The following ZNF770 variants were observed in gnomAD, a reference collection of about 807,000 sequenced individuals.
The protein encoded by ZNF770 is zinc finger protein 770.
In ZNF770, 13 loss-of-function variants were observed where a neutral mutation model predicts 44.8. That is an observed-to-expected ratio of 0.29 (90% CI 0.19 to 0.46). The LOEUF (loss-of-function observed/expected upper bound fraction) is 0.46. ZNF770 is among the 20% of genes least tolerant of loss of function. ZNF770 has a pLI of 1.00. For missense variants in ZNF770, 681 were observed against 797.9 expected, an observed-to-expected ratio of 0.85 and a Z score of 1.77; for synonymous variants, 304 against 271.8, an observed-to-expected ratio of 1.12 and a Z score of -1.17.
In ZNF770 at chr15:34,979,986, C is replaced by G. The variant is rs2050390241; in HGVS notation, c.*1373G>C. 5.8e-6 allele frequency: 1 copy of G among 172,822 alleles called. No individual in the cohort carries two copies. Among genetic ancestry groups the G allele is most frequent in the African/African-American group, 2.4e-5 (1 of 41,530 alleles). The allele number at this position is 172,822 out of a possible 1,614,324, so 10.7% of individuals were successfully genotyped here. ...CCACAACTCTACAAGCATCTTATCCCTCTACAGGAATGACTACCTTATTAA... is the reference window on the plus strand; with the variant it reads ...CCACAACTCTACAAGCATCTTATCCGTCTACAGGAATGACTACCTTATTAA... On this transcript the variant is annotated 3_prime_UTR_variant, in exon 3 of 3. Transcript: ENST00000356321.
In ZNF770 at chr15:34,981,393, T is replaced by C. The variant is rs749680930; in HGVS notation, c.2042A>G (p.Gln681Arg). The change falls in exon 3 of 3, where the codon CAA (glutamine) becomes CGA (arginine). Residue 681 changes from glutamine (Q) to arginine (R), a missense_variant. This residue lies in a region of ZNF770 where 26 missense variants were observed against 23.9 expected (regional missense o/e 1.09). Coordinates refer to ENST00000356321, the MANE Select transcript of ZNF770 (RefSeq NM_014106.4). ...HQLTHFKERPQGKVVALDSVM is the reference protein window; with the variant it reads ...HQLTHFKERPRGKVVALDSVM ...CGAATCTAAGGCAACCACTTTCCCT[T>C]GTGGTCGTTCTTTAAAGTGAGTAAG... The C allele has an allele frequency of 4.3e-6, 7 of 1,612,792 alleles. No homozygotes were observed. The South Asian group carries it at 4.4e-5, about 10-fold the overall frequency.
chr15:34,986,889 G>A (rs1482966444), intron 2 of ZNF770, among the ~76,000 whole-genome samples: 2 of 152,232 alleles, frequency 1.3e-5, no homozygotes, highest in African/African-American at 4.8e-5. Context: ...TCTAGCAGGA[G>A]GGGCAGGGCA....
intron 2 of ZNF770, among the ~76,000 whole-genome samples, chr15:34,984,635 G>A (rs1484870754): frequency 1.3e-5 from 2 of 149,478 alleles, no homozygotes; most frequent in Non-Finnish European, 3.0e-5. Flanking sequence ...TCCAGCCTGG[G>A]TGAGAATCCA....
At position 34,979,656 on chromosome 15, in the gene ZNF770, T is replaced by C. The variant is rs1219551299; in HGVS notation, c.*1703A>G. ...GCAAGCAGATCACCCCCACCTACTA[T>C]CCCTCCCGCCTCCCCCCTGTCAAAA... On this transcript the variant is annotated 3_prime_UTR_variant, in exon 3 of 3. Coordinates refer to ENST00000356321, the MANE Select transcript of ZNF770 (RefSeq NM_014106.4). 4 of 449,142 alleles carry C rather than the reference T, an allele frequency of 8.9e-6. No individual in the cohort carries two copies. The highest frequency in any genetic ancestry group is 1.8e-5 in the Non-Finnish European group (4 of 224,336). The allele number at this position is 449,142 out of a possible 1,614,324, so 27.8% of individuals were successfully genotyped here.
Position 34,981,497 on chromosome 15 carries a change from A to G in ZNF770, c.1938T>C (p.Ile646=), listed in dbSNP as rs767545505. ...ATTCAAATGGTTTCTGCCCTGCATG[A>G]ATTAGGTAGTGTCTTTCCAGTTTAG... ...SPSKLERHYL[I]HAGQKPFECS... The change falls in exon 3 of 3, where the codon ATT becomes ATC. Residue 646 remains isoleucine, a synonymous_variant. Transcript: ENST00000356321. The G allele has an allele frequency of 3.4e-5, 55 of 1,614,102 alleles. No homozygotes were observed. The highest frequency in any genetic ancestry group is 4.6e-5 in the Non-Finnish European group (54 of 1,180,044).
At chr15:34,987,747 C>T (rs1031353018) in intron 1 of ZNF770, 74 bp from the exon 2 acceptor site, 3 of 152,158 alleles carry the variant, frequency 2.0e-5, no homozygotes, top group African/African-American at 7.2e-5. Context: ...CGCCCCGGGC[C>T]CATTCTCTTG....
rs902152567 is a variant in ZNF770 at position 34,985,120 on chromosome 15, C to A, written c.-56-1630G>T. 3.8e-5 allele frequency among the ~76,000 whole-genome samples: 5 copies of A among 131,384 alleles called. No individual in the cohort carries two copies. In the East Asian group the frequency reaches 6.3e-4, roughly 17 times the overall value. The allele number at this position is 131,384 out of a possible 152,430, so 86.2% of individuals were successfully genotyped here. ...CTGCACTCCAGCTTGGGCAACAGAG[C>A]GAGAGACTGTCTCAAAAAAAAAAAA... On this transcript the variant is annotated intron_variant, in intron 2 of 2. Transcript: ENST00000356321.
Position 34,982,063 on chromosome 15 carries a change from G to T in ZNF770, c.1372C>A (p.Gln458Lys), listed in dbSNP as rs2050405449. Residue 458 changes from glutamine to lysine, a missense_variant, in exon 3 of 3, where the codon CAG becomes AAG. By Grantham distance (53) the Gln-to-Lys change is moderately conservative. Transcript: ENST00000356321. ...TCCCTTGGAACTGAAAAACCACACTGAAGTACCTCACAGTTATTAAAGAAT... is the reference window on the plus strand; with the variant it reads ...TCCCTTGGAACTGAAAAACCACACTTAAGTACCTCACAGTTATTAAAGAAT... Reference protein sequence around the residue: ...EEFFNNCEVLQCGFSVPRENI... With the variant: ...EEFFNNCEVLKCGFSVPRENI... The T allele has an allele frequency of 1.2e-6, 2 of 1,613,574 alleles. No homozygotes were observed. Among genetic ancestry groups the T allele is most frequent in the African/African-American group, 1.3e-5 (1 of 74,936 alleles).
rs2050403796 is a variant in ZNF770 at position 34,981,799 on chromosome 15, A to G, written c.1636T>C (p.Ser546Pro). The G allele has an allele frequency of 6.2e-7, 1 of 1,613,988 alleles. No homozygotes were observed. The highest frequency in any genetic ancestry group is 8.5e-7 in the Non-Finnish European group (1 of 1,180,046). Reference protein sequence around the residue: ...QVEFGNFNNLSNHSGNNVNYN... With the variant: ...QVEFGNFNNLPNHSGNNVNYN... ...TTAACATTATTACCTGAATGATTAG[A>G]AAGATTGTTGAAGTTTCCAAATTCT... Residue 546 changes from serine (S) to proline (P), a missense_variant, in exon 3 of 3, where the codon TCT becomes CCT. This residue lies in a region of ZNF770 where 148 missense variants were observed against 191.0 expected (regional missense o/e 0.77). Transcript: ENST00000356321.
rs1477923620 is a variant in ZNF770, at chr15:34,978,534, G to A, written c.*2825C>T. The A allele has an allele frequency of 6.6e-6, 1 of 151,848 alleles. No individual in the cohort carries two copies. The highest frequency in any genetic ancestry group is 2.4e-5 in the African/African-American group (1 of 41,294). 9.4% of individuals were successfully genotyped at this position (151,848 alleles called of 1,614,324 possible). A position where few individuals can be genotyped will look rare whatever the true frequency, so the allele number is the denominator to read the frequency against. ...TCAGTAAATGATCATACTACAGCCTGGAATCACTCAAACAAAAAATTCTTC... is the reference window on the plus strand; with the variant it reads ...TCAGTAAATGATCATACTACAGCCTAGAATCACTCAAACAAAAAATTCTTC... On this transcript the variant is annotated 3_prime_UTR_variant, in exon 3 of 3. Coordinates refer to ENST00000356321, the MANE Select transcript of ZNF770 (RefSeq NM_014106.4).
chr15:34,981,519 T>G lies in ZNF770; in HGVS notation c.1916A>C (p.Lys639Thr). 1 of 1,614,220 alleles carries G rather than the reference T, an allele frequency of 6.2e-7. No individual in the cohort carries two copies. The highest frequency in any genetic ancestry group is 8.5e-7 in the Non-Finnish European group (1 of 1,180,034). ...ATGAATTAGGTAGTGTCTTTCCAGTTTAGATGGAGATCGGAAACTTTTAGC... is the reference window on the plus strand; with the variant it reads ...ATGAATTAGGTAGTGTCTTTCCAGTGTAGATGGAGATCGGAAACTTTTAGC... ...VCAKSFRSPS[K>T]LERHYLIHAG... is the part of the protein sequence containing the mutation. Residue 639 changes from lysine (K) to threonine (T), a missense_variant, in exon 3 of 3, where the codon AAA becomes ACA. Around this residue, in one of 5 missense-constraint regions of ZNF770, gnomAD observed 148 missense variants for 191.0 expected, o/e 0.77. Coordinates refer to ENST00000356321, the MANE Select transcript of ZNF770 (RefSeq NM_014106.4).
At position 34,981,913 on chromosome 15, in the gene ZNF770, A is replaced by G; in HGVS notation, c.1522T>C (p.Cys508Arg). The G allele has an allele frequency of 6.2e-7, 1 of 1,614,086 alleles. No homozygotes were observed. Among genetic ancestry groups the G allele is most frequent in the Non-Finnish European group, 8.5e-7 (1 of 1,180,020 alleles). Residue 508 changes from cysteine (C) to arginine (R), a missense_variant, in exon 3 of 3, where the codon TGT becomes CGT. Cys to Arg is a radical substitution (Grantham distance 180). This residue lies in a region of ZNF770 where 148 missense variants were observed against 191.0 expected (regional missense o/e 0.77). Transcript: ENST00000356321. ...TGQRPFGCNI[C>R]GKSFRQSAHL... ...GCTGACTGTCTAAAAGATTTCCCAC[A>G]AATATTACAGCCAAAGGGCCTCTGT...
Position 34,982,411 on chromosome 15 carries a change from T to G in ZNF770, c.1024A>C (p.Lys342Gln). 1 of 1,613,470 alleles carries G rather than the reference T, an allele frequency of 6.2e-7. No homozygotes were observed. Among genetic ancestry groups the G allele is most frequent in the Non-Finnish European group, 8.5e-7 (1 of 1,179,654 alleles). ...TTTTTACTCCTAGCACGCTTAAGCT[T>G]GGCCAAGATTTTTTTAACAATGGTT... ...YKTIVKKILA[K>Q]LKRARSKKLD... The change falls in exon 3 of 3, where the codon AAG becomes CAG. Residue 342 changes from lysine (K) to glutamine (Q), a missense_variant. Physicochemically the swap from Lys to Gln is moderately conservative, Grantham distance 53. Transcript: ENST00000356321.
At chr15:34,986,676 T>A (rs2050436546) in intron 2 of ZNF770, among the ~76,000 whole-genome samples, 1 of 152,220 alleles carries the variant, frequency 6.6e-6, no homozygotes, top group Non-Finnish European at 1.5e-5. Flanking sequence ...GCAGTGCATA[T>A]GAGGTAATCC....
rs1202388367 is a variant in ZNF770, at chr15:34,980,091, C to T, written c.*1268G>A. 6.4e-6 allele frequency: 1 copy of T among 155,326 alleles called. No individual in the cohort carries two copies. The highest frequency in any genetic ancestry group is 1.4e-5 in the Non-Finnish European group (1 of 70,068). 9.6% of individuals were successfully genotyped at this position (155,326 alleles called of 1,614,324 possible). ...GCAAAAATAAAAACTAAAACTAGACCTAGTCATTGCCATTTGATCAAACTT... is the reference window on the plus strand; with the variant it reads ...GCAAAAATAAAAACTAAAACTAGACTTAGTCATTGCCATTTGATCAAACTT... On this transcript the variant is annotated 3_prime_UTR_variant, in exon 3 of 3. Transcript: ENST00000356321.
Position 34,987,690 on chromosome 15 carries a change from C to CA in ZNF770, c.-173-18dup, listed in dbSNP as rs1229944938. The stretch of plus-strand genomic sequence containing the variant: ...ATGAAAGACCTAAGAGAAACACACA[C>CA]AACTTTCAGTTGGGGAATAATCTCC... On this transcript the variant is annotated splice_polypyrimidine_tract_variant and intron_variant, in intron 1 of 2. Transcript: ENST00000356321. 1 of 152,264 alleles carries CA rather than the reference C, an allele frequency of 6.6e-6. No individual in the cohort carries two copies. The highest frequency in any genetic ancestry group is 1.9e-4 in the East Asian group (1 of 5,200). The allele number at this position is 152,264 out of a possible 1,614,324, so 9.4% of individuals were successfully genotyped here.
At position 34,982,988 on chromosome 15, in the gene ZNF770, G is replaced by A. The variant is rs746048256; in HGVS notation, c.447C>T (p.Pro149=). The A allele has an allele frequency of 6.2e-7, 1 of 1,613,932 alleles. No individual in the cohort carries two copies. The highest frequency in any genetic ancestry group is 1.7e-5 in the Admixed American group (1 of 60,006). Residue 149 remains proline (P), a synonymous_variant, in exon 3 of 3, where the codon CCC becomes CCT. Transcript: ENST00000356321. Reference sequence around the variant, plus strand: ...TCTTTCTTCTTTTCATGCTATACATGGGATCAGACTTAGAGCACGGGTGTA... The same window carrying A: ...TCTTTCTTCTTTTCATGCTATACATAGGATCAGACTTAGAGCACGGGTGTA... ...WALHPCSKSD[P]MYSMKRRKNI... is the part of the protein sequence containing the mutation.
intron 2 of ZNF770, among the ~76,000 whole-genome samples, chr15:34,987,293 T>A (rs1366129980): frequency 3.3e-5 from 5 of 152,190 alleles, no homozygotes; most frequent in African/African-American, 1.2e-4. Flanking sequence ...AGCCCTAGAT[T>A]GTTAGAACCA....
intron 2 of ZNF770, 51 bp from the exon 3 acceptor site, chr15:34,983,541 G>C: frequency 9.8e-7 from 1 of 1,024,308 alleles, no homozygotes; most frequent in Non-Finnish European, 1.3e-6. Context: ...TTATTCATAT[G>C]AAAAGTAACT....
Sources: gnomAD v4.1 joint callset for allele counts (sites outside exome capture counted in the v4.1 genomes callset) on GRCh38, gnomAD v4.1.1 for gene constraint, gnomAD v4.1.1 regional missense constraint, MANE v1.5 for transcripts, NCBI Gene and HGNC (gene_info 2026-07-23, HGNC 2026-07-21) for gene names.